The following THSD4 variants were observed in gnomAD, a reference collection of about 807,000 sequenced individuals.
The protein encoded by THSD4 is thrombospondin type 1 domain containing 4.
In THSD4, 69 loss-of-function variants were observed where a neutral mutation model predicts 119.0. The observed-to-expected ratio is 0.58, with a 90% CI of 0.48 to 0.71. The LOEUF (loss-of-function observed/expected upper bound fraction) is 0.71. Ranked by LOEUF, THSD4 falls within the 30% of genes least tolerant of loss-of-function variation. The pLI is 0.00. For missense variants in THSD4, 1,393 were observed against 1,391.1 expected (o/e 1.00, Z -0.02); for synonymous variants, 524 against 540.4 (o/e 0.97, Z 0.42).
At chr15:71,736,035 C>T (rs1193134088) in intron 10 of THSD4, among the ~76,000 whole-genome samples, 3 of 139,458 alleles carry the variant, frequency 2.2e-5, no homozygotes, top group Non-Finnish European at 4.6e-5. Flanking sequence ...TTCTCTGTCT[C>T]TCCTGCTCTC....
At chr15:71,578,628 C>T (rs546789332) in intron 7 of THSD4, among the ~76,000 whole-genome samples, 7 of 151,870 alleles carry the variant, frequency 4.6e-5, no homozygotes, top group African/African-American at 9.7e-5. Context: ...TAAGCCACCA[C>T]GCCCAGCCTA....
chr15:71,346,868 C>CTTT (rs71154763), intron 6 of THSD4, among the ~76,000 whole-genome samples: 1,044 of 85,994 alleles, frequency 0.012, 25 homozygotes, highest in Non-Finnish European at 0.013. Context: ...TTTTCATTTT[C>CTTT]TTTTTTTTTT....
chr15:71,205,580 G>T (rs2043837130), intron 3 of THSD4, among the ~76,000 whole-genome samples: 1 of 152,116 alleles, frequency 6.6e-6, no homozygotes, highest in Non-Finnish European at 1.5e-5. Flanking sequence ...TTCCTGAAAT[G>T]CATTTGTAGA....
chr15:71,630,162 C>T (rs1435718198), intron 7 of THSD4, among the ~76,000 whole-genome samples: 1 of 152,112 alleles, frequency 6.6e-6, no homozygotes, highest in African/African-American at 2.4e-5. Flanking sequence ...AACAAACAGA[C>T]AAAAAACAGA....
At chr15:71,660,882 C>T (rs757555868) in intron 8 of THSD4, 148 bp downstream of exon 8, 76 of 855,430 alleles carry the variant, frequency 8.9e-5, no homozygotes, top group East Asian at 1.6e-4. Context: ...ACCTGGCCTG[C>T]GCCTTGAAAT....
At chr15:71,198,993 C>A (rs978400206) in intron 3 of THSD4, among the ~76,000 whole-genome samples, 2 of 152,208 alleles carry the variant, frequency 1.3e-5, no homozygotes, top group African/African-American at 4.8e-5. Flanking sequence ...ATAGTAGATT[C>A]CCTGGCAATC....
intron 7 of THSD4, among the ~76,000 whole-genome samples, chr15:71,506,940 C>T (rs1050146629): frequency 1.3e-5 from 2 of 152,190 alleles, no homozygotes; most frequent in African/African-American, 4.8e-5. Flanking sequence ...TGTAAGTTTT[C>T]CTAGGCAGGG....
intron 6 of THSD4, among the ~76,000 whole-genome samples, chr15:71,299,000 T>C (rs4777363): frequency 0.54 from 81,738 of 151,996 alleles, 22,490 homozygotes; most frequent in East Asian, 0.73. Context: ...AGCACCTGCC[T>C]GGTGATCTCA....
At chr15:71,662,350 A>T (rs1052972888) in intron 8 of THSD4, among the ~76,000 whole-genome samples, 1 of 152,306 alleles carries the variant, frequency 6.6e-6, no homozygotes, top group African/African-American at 2.4e-5. Flanking sequence ...GACAAAACCC[A>T]GGAGCCACCA....
At chr15:71,719,324 A>G (rs1401128947) in intron 8 of THSD4, among the ~76,000 whole-genome samples, 2 of 152,162 alleles carry the variant, frequency 1.3e-5, no homozygotes, top group Non-Finnish European at 2.9e-5. Context: ...AGTCCATCCA[A>G]ACTCAAAATG....
intron 8 of THSD4, among the ~76,000 whole-genome samples, chr15:71,679,973 G>A (rs2051740961): frequency 6.6e-6 from 1 of 152,206 alleles, no homozygotes; most frequent in African/African-American, 2.4e-5. Context: ...TTTAATCAGT[G>A]ACTGTAGGTT....
At chr15:71,325,752 C>A (rs1596338098) in intron 6 of THSD4, among the ~76,000 whole-genome samples, 1 of 151,884 alleles carries the variant, frequency 6.6e-6, no homozygotes, top group East Asian at 1.9e-4. Flanking sequence ...AGAGATTAGT[C>A]AGAGGAAATG....
chr15:71,670,621 A>G (rs924427686), intron 8 of THSD4, among the ~76,000 whole-genome samples: 2 of 151,452 alleles, frequency 1.3e-5, no homozygotes, highest in African/African-American at 4.9e-5. Flanking sequence ...TACATTAGGT[A>G]TATCTCCTAA....
chr15:71,678,348 TA>T (rs2051694002), intron 8 of THSD4, among the ~76,000 whole-genome samples: 1 of 152,230 alleles, frequency 6.6e-6, no homozygotes, highest in African/African-American at 2.4e-5. Context: ...GAAGATTTCT[TA>T]ACCAACAGCT....
At chr15:71,524,763 A>AT (rs35666244) in intron 7 of THSD4, among the ~76,000 whole-genome samples, 2,943 of 116,020 alleles carry the variant, frequency 0.025, 43 homozygotes, top group African/African-American at 0.05. Flanking sequence ...CGCCCGGCTA[A>AT]TTTTTTTTTT....
chr15:71,594,684 G>A (rs1368342038), intron 7 of THSD4, among the ~76,000 whole-genome samples: 1 of 152,178 alleles, frequency 6.6e-6, no homozygotes, highest in African/African-American at 2.4e-5. Context: ...CAGATCGCTG[G>A]TGCTCAGACC....
At chr15:71,121,171 G>A (rs1442708123) in intron 1 of THSD4, among the ~76,000 whole-genome samples, 1 of 152,122 alleles carries the variant, frequency 6.6e-6, no homozygotes, top group Non-Finnish European at 1.5e-5. Context: ...TCCTTTCCCC[G>A]GCCAGGCAGC....
chr15:71,508,857 G>T (rs1175509562), intron 7 of THSD4, among the ~76,000 whole-genome samples: 1 of 151,628 alleles, frequency 6.6e-6, no homozygotes, highest in African/African-American at 2.4e-5. Flanking sequence ...TTTTACAACT[G>T]CTTGCTTTGA....
At chr15:71,415,563 A>T (rs2046748503) in intron 7 of THSD4, among the ~76,000 whole-genome samples, 1 of 152,184 alleles carries the variant, frequency 6.6e-6, no homozygotes, top group Non-Finnish European at 1.5e-5. Flanking sequence ...GAGTTATTTT[A>T]AAATGTACAA....
Sources: gnomAD v4.1 joint callset for allele counts (sites outside exome capture counted in the v4.1 genomes callset) on GRCh38, gnomAD v4.1.1 for gene constraint, MANE v1.5 for transcripts, NCBI Gene and HGNC (gene_info 2026-07-23, HGNC 2026-07-21) for gene names.